FGF17: variants seen among roughly 807,000 people sequenced by gnomAD.
FGF17 encodes fibroblast growth factor 17.
FGF17 carries 5 observed loss-of-function variants against 23.5 expected under a neutral mutation model. That is an observed-to-expected ratio of 0.21 (90% CI 0.11 to 0.45). The LOEUF is 0.45. Ranked by LOEUF, FGF17 falls within the 20% of genes least tolerant of loss-of-function variation. The pLI is 0.99. For synonymous variants in FGF17, 136 were observed against 123.0 expected (o/e 1.11, Z -0.70); for missense variants, 221 against 306.9 (o/e 0.72, Z 2.09).
intron 4 of FGF17, among the ~76,000 whole-genome samples, chr8:22,047,415 A>C (rs1044099411): frequency 1.1e-4 from 16 of 152,184 alleles, no homozygotes; most frequent in Non-Finnish European, 5.9e-5. Flanking sequence ...ACTTCGTTTG[A>C]AACCAGGCAA....
intron 2 of FGF17, among the ~76,000 whole-genome samples, chr8:22,044,303 C>T (rs770818559): frequency 1.3e-5 from 2 of 152,076 alleles, no homozygotes; most frequent in Non-Finnish European, 2.9e-5. Flanking sequence ...GCAGGCCGGA[C>T]CACAGCCATG....
At chr8:22,043,017 C>T in intron 1 of FGF17, 54 bp downstream of exon 1, 1 of 1,605,146 alleles carries the variant, frequency 6.2e-7, no homozygotes, top group Non-Finnish European at 8.5e-7. Context: ...AGCCTCAGGG[C>T]AGCCCTCCTC....
chr8:22,045,154 C>T, intron 2 of FGF17: 2 of 985,510 alleles, frequency 2.0e-6, no homozygotes, highest in Non-Finnish European at 2.4e-6. Flanking sequence ...AGAGACCTAG[C>T]TGGGAGGCGG....
At chr8:22,045,365 G>C in intron 2 of FGF17, 1 of 987,800 alleles carries the variant, frequency 1.0e-6, no homozygotes, top group Non-Finnish European at 1.2e-6. Flanking sequence ...GCCTCCCTCC[G>C]CTAAGGAGGC....
At chr8:22,045,335 G>A in intron 2 of FGF17, 1 of 986,902 alleles carries the variant, frequency 1.0e-6, no homozygotes, top group Non-Finnish European at 1.2e-6. Flanking sequence ...GATAGTGCCT[G>A]TCCTCTTGGT....
chr8:22,043,797 C>G (rs1008163663), intron 2 of FGF17, among the ~76,000 whole-genome samples: 1 of 149,868 alleles, frequency 6.7e-6, no homozygotes, highest in African/African-American at 2.5e-5. Flanking sequence ...CAAGTCTCAG[C>G]CCCCAGTGCG....
In FGF17 at chr8:22,048,102, C is replaced by T. The variant is rs570291337; in HGVS notation, c.504C>T (p.Asn168=). ...RPRQASRSRQ[N]QREAHFIKRL... The stretch of plus-strand genomic sequence containing the variant: ...GCCAGGCTTCCCGCAGCCGCCAGAA[C>T]CAGCGCGAGGCCCACTTCATCAAGC... The change falls in exon 5 of 5, where the codon AAC becomes AAT. Residue 168 remains asparagine (N), a synonymous_variant. Transcript: ENST00000359441. This position sits in a 1 kb window ranked among gnomAD's most constrained non-coding sequence, Gnocchi z 6.9. 2 of 1,613,306 alleles carry T rather than the reference C, an allele frequency of 1.2e-6. No individual in the cohort carries two copies. Among genetic ancestry groups the T allele is most frequent in the South Asian group, 2.2e-5 (2 of 91,072 alleles).
intron 1 of FGF17, 75 bp downstream of exon 1, chr8:22,043,038 T>C: frequency 6.5e-7 from 1 of 1,547,066 alleles, no homozygotes; most frequent in Non-Finnish European, 8.9e-7. Context: ...TTCCCGGGAC[T>C]CCCACGCGTG....
chr8:22,045,664 G>A (rs1051310743), intron 2 of FGF17: 12 of 1,069,150 alleles, frequency 1.1e-5, no homozygotes, highest in African/African-American at 1.0e-4. Flanking sequence ...TGGGGAGGAT[G>A]AGGAAGGAAT....
chr8:22,040,788 G>A (rs1034180944), upstream of FGF17, among the ~76,000 whole-genome samples: 2 of 152,204 alleles, frequency 1.3e-5, no homozygotes, highest in Admixed American at 6.5e-5. Context: ...TCCCCTCCAC[G>A]TGTCTGTGCT....
At chr8:22,046,950 A>ATTTTTTTTTTTTTTTTTTT (rs3038873) in intron 4 of FGF17, among the ~76,000 whole-genome samples, 3 of 120,576 alleles carry the variant, frequency 2.5e-5, no homozygotes, top group Non-Finnish European at 3.3e-5. Flanking sequence ...TGCCCAGCTA[A>ATTTTTTTTTTTTTTTTTTT]TTTTTTTTTT....
At chr8:22,042,803 C>A, upstream of FGF17, 2 of 879,510 alleles carry the variant, frequency 2.3e-6, no homozygotes, top group Non-Finnish European at 1.8e-6. Context: ...CTCTCCTCCT[C>A]GCCCCCCTGA....
At chr8:22,042,080 A>G (rs1198282621), upstream of FGF17, among the ~76,000 whole-genome samples, 1 of 152,214 alleles carries the variant, frequency 6.6e-6, no homozygotes, top group Non-Finnish European at 1.5e-5. Context: ...CTGAGGCATT[A>G]CTGTCCTCAT....
At chr8:22,045,985 C>T (rs534601146) in intron 2 of FGF17, 129 bp from the exon 3 acceptor site, 3 of 1,575,234 alleles carry the variant, frequency 1.9e-6, no homozygotes, top group Non-Finnish European at 2.6e-6. Flanking sequence ...GGCCATATGC[C>T]CACTTCACTC....
chr8:22,040,385 C>G (rs1800719802), upstream of FGF17, among the ~76,000 whole-genome samples: 1 of 152,246 alleles, frequency 6.6e-6, no homozygotes, highest in African/African-American at 2.4e-5. Flanking sequence ...TGCCTCCCCA[C>G]TTGGGGCCCA....
chr8:22,042,674 C>T (rs1412396881), upstream of FGF17: 9 of 601,528 alleles, frequency 1.5e-5, no homozygotes, highest in Non-Finnish European at 2.7e-5. Flanking sequence ...CACGCCCCCA[C>T]CCGCATCTGC....
At position 22,042,955 on chromosome 8, in the gene FGF17, C is replaced by T. The variant is rs763169424; in HGVS notation, c.27C>T (p.Asn9=). 1.9e-6 allele frequency: 3 copies of T among 1,613,366 alleles called. No homozygotes were observed. Among genetic ancestry groups the T allele is most frequent in the Non-Finnish European group, 2.5e-6 (3 of 1,179,736 alleles). MGAARLLP[N]LTLCLQLLIL... The stretch of plus-strand genomic sequence containing the variant: ...TGGGAGCCGCCCGCCTGCTGCCCAA[C>T]CTCACTCTGTAAGTGTGCTACCTCT... Residue 9 remains asparagine, a synonymous_variant, in exon 1 of 5, where the codon AAC becomes AAT. Transcript: ENST00000359441.
chr8:22,045,742 G>A, intron 2 of FGF17: 1 of 1,163,464 alleles, frequency 8.6e-7, no homozygotes, highest in Non-Finnish European at 1.1e-6. Flanking sequence ...TGGTCTAAGA[G>A]GTAGGGACAG....
intron 2 of FGF17, among the ~76,000 whole-genome samples, chr8:22,044,282 A>AG (rs879398418): frequency 3.7e-4 from 56 of 151,740 alleles, no homozygotes; most frequent in Admixed American, 1.3e-3. Flanking sequence ...CCCCCCTGGG[A>AG]GGGGGGGCCA....
Sources: allele counts gnomAD v4.1 joint callset (sites outside exome capture counted in the v4.1 genomes callset), GRCh38; gene constraint gnomAD v4.1.1; non-coding constraint Gnocchi (gnomAD v3.1); transcripts MANE v1.5; gene names NCBI Gene and HGNC (gene_info 2026-07-23, HGNC 2026-07-21).